The following CADM1 variants were observed in gnomAD, a reference collection of about 807,000 sequenced individuals.
CADM1 encodes the protein TSLC-1.
In CADM1, 15 loss-of-function variants were observed where a neutral mutation model predicts 53.1. The ratio of observed to expected loss-of-function variants is 0.28; its 90% CI spans 0.19 to 0.44. The LOEUF is 0.44. Ranked by LOEUF, CADM1 falls within the 20% of genes least tolerant of loss-of-function variation. CADM1 has a pLI of 1.00. For missense variants in CADM1, 434 were observed against 611.3 expected (o/e 0.71, Z 3.06); for synonymous variants, 281 against 243.0 (o/e 1.16, Z -1.45).
intron 1 of CADM1, among the ~76,000 whole-genome samples, chr11:115,271,933 T>C (rs1943310859): frequency 1.3e-5 from 2 of 152,238 alleles, no homozygotes; most frequent in Non-Finnish European, 2.9e-5. Flanking sequence ...CTATACCACC[T>C]GTCCCAGACT....
chr11:115,442,313 T>G (rs1337686198), intron 1 of CADM1, among the ~76,000 whole-genome samples: 1 of 152,152 alleles, frequency 6.6e-6, no homozygotes, highest in Non-Finnish European at 1.5e-5. Flanking sequence ...CTCTAAAGCT[T>G]TGGGATGTTG....
chr11:115,452,433 G>A (rs1031600994), intron 1 of CADM1, among the ~76,000 whole-genome samples: 4 of 152,204 alleles, frequency 2.6e-5, no homozygotes, highest in East Asian at 1.9e-4. Flanking sequence ...GATCAGAAGC[G>A]TTTTAATGAA....
At chr11:115,413,890 G>T (rs775286033) in intron 1 of CADM1, among the ~76,000 whole-genome samples, 1 of 151,918 alleles carries the variant, frequency 6.6e-6, no homozygotes, top group Non-Finnish European at 1.5e-5. Flanking sequence ...TGATCCACCC[G>T]CCTCGGACTC....
chr11:115,170,962 G>GT lies in CADM1; in HGVS notation c.*5511dup, dbSNP rs1272576536. The GT allele has an allele frequency of 4.6e-5, 7 of 152,132 alleles. No homozygotes were observed. Among genetic ancestry groups the GT allele is most frequent in the African/African-American group, 1.7e-4 (7 of 41,408 alleles). The allele number at this position is 152,132 out of a possible 1,614,324, so 9.4% of individuals were successfully genotyped here. ...GTGGCCCATTCAGATTAAGTGTAAC[G>GT]TAAGGCTCAGTCAGCCAGGTGCTCG... On this transcript the variant is annotated 3_prime_UTR_variant, in exon 12 of 12. Transcript: ENST00000331581.
intron 1 of CADM1, among the ~76,000 whole-genome samples, chr11:115,458,974 C>T (rs1022947196): frequency 1.3e-5 from 2 of 152,144 alleles, no homozygotes; most frequent in Admixed American, 6.5e-5. Flanking sequence ...CTTCACAATT[C>T]GGTTAATCAC....
chr11:115,231,357 T>C lies in CADM1; in HGVS notation c.558A>G (p.Leu186=). ...GTGTGGCAATCTGCAGCTTACCTTT[T>C]AGCTCTGTGTTCCCTTTGAACCACC... The part of the protein sequence containing the change: ...TIRWFKGNTE[L]KGKSEVEEWS... Residue 186 remains leucine, a synonymous_variant, in exon 4 of 12, where the codon CTA becomes CTG. Coordinates refer to ENST00000331581, the MANE Select transcript of CADM1 (RefSeq NM_001301043.2). 1 of 1,614,178 alleles carries C rather than the reference T, an allele frequency of 6.2e-7. No individual in the cohort carries two copies. Among genetic ancestry groups the C allele is most frequent in the Non-Finnish European group, 8.5e-7 (1 of 1,180,000 alleles).
chr11:115,407,936 G>A (rs1457620024), intron 1 of CADM1, among the ~76,000 whole-genome samples: 1 of 123,198 alleles, frequency 8.1e-6, no homozygotes, highest in Admixed American at 8.9e-5. Context: ...TTTGTGTATT[G>A]AAGAAAGGTA....
intron 1 of CADM1, among the ~76,000 whole-genome samples, chr11:115,356,145 T>C (rs1053940974): frequency 6.6e-6 from 1 of 151,824 alleles, no homozygotes; most frequent in Admixed American, 6.6e-5. Context: ...TACACTATAA[T>C]ATAACTCACA....
chr11:115,451,606 C>A (rs377403813), intron 1 of CADM1, among the ~76,000 whole-genome samples: 8 of 152,314 alleles, frequency 5.3e-5, no homozygotes, highest in African/African-American at 1.9e-4. Flanking sequence ...ATTCAAACAT[C>A]CCCTACAGAC....
chr11:115,312,892 G>T (rs959195150), intron 1 of CADM1, among the ~76,000 whole-genome samples: 2 of 152,080 alleles, frequency 1.3e-5, no homozygotes, highest in African/African-American at 4.8e-5. Flanking sequence ...CCCTAAAGCA[G>T]CCAAGAGATG....
intron 1 of CADM1, chr11:115,396,923 A>G (rs1947013745): frequency 6.6e-6 from 1 of 151,930 alleles, no homozygotes; most frequent in African/African-American, 2.4e-5. Context: ...ATTTTAATGT[A>G]CTGTGCTGTA....
At chr11:115,330,227 ATTTAT>A (rs1467426669) in intron 1 of CADM1, among the ~76,000 whole-genome samples, 2 of 151,678 alleles carry the variant, frequency 1.3e-5, no homozygotes, top group Non-Finnish European at 2.9e-5. Context: ...TACAATGGAG[ATTTAT>A]TTTATCTACT....
At chr11:115,486,955 T>C (rs1252183955) in intron 1 of CADM1, among the ~76,000 whole-genome samples, 1 of 152,168 alleles carries the variant, frequency 6.6e-6, no homozygotes, top group Non-Finnish European at 1.5e-5. Flanking sequence ...CCTGAACCAG[T>C]TCTCTGCTGT....
chr11:115,404,068 G>T (rs1947234730), intron 1 of CADM1, among the ~76,000 whole-genome samples: 1 of 150,304 alleles, frequency 6.7e-6, no homozygotes, highest in South Asian at 2.1e-4. Flanking sequence ...GCTCACGCCT[G>T]TAATCCCAAC....
At chr11:115,375,454 A>G (rs1325987137) in intron 1 of CADM1, among the ~76,000 whole-genome samples, 1 of 152,140 alleles carries the variant, frequency 6.6e-6, no homozygotes, top group Non-Finnish European at 1.5e-5. Flanking sequence ...GCGACAATTT[A>G]CTGAGCTGCA....
chr11:115,276,219 T>C (rs1673629742), intron 1 of CADM1, among the ~76,000 whole-genome samples: 1 of 152,240 alleles, frequency 6.6e-6, no homozygotes, highest in African/African-American at 2.4e-5. Context: ...ATGATTTACA[T>C]TTTTCACAGA....
intron 1 of CADM1, among the ~76,000 whole-genome samples, chr11:115,299,815 A>C (rs560407648): frequency 6.6e-6 from 1 of 152,268 alleles, no homozygotes; most frequent in Admixed American, 6.5e-5. Context: ...ATTTTCTCTT[A>C]AAATGGTATT....
chr11:115,466,128 C>T (rs1044470038), intron 1 of CADM1, among the ~76,000 whole-genome samples: 4 of 152,088 alleles, frequency 2.6e-5, no homozygotes, highest in Admixed American at 1.3e-4. Flanking sequence ...AAACTTCCAC[C>T]ATTTCCCCCA....
At chr11:115,391,646 A>G (rs1394692159) in intron 1 of CADM1, among the ~76,000 whole-genome samples, 1 of 152,242 alleles carries the variant, frequency 6.6e-6, no homozygotes, top group Non-Finnish European at 1.5e-5. Context: ...AAAACAAAAC[A>G]ACACTAGCAC....
Sources: gnomAD v4.1 joint callset for allele counts (sites outside exome capture counted in the v4.1 genomes callset) on GRCh38, gnomAD v4.1.1 for gene constraint, MANE v1.5 for transcripts, NCBI Gene and HGNC (gene_info 2026-07-23, HGNC 2026-07-21) for gene names.